Variants in ZNF683 observed in about 807,000 individuals in gnomAD.
ZNF683 encodes the protein tissue-resident T-cell transcription regulator protein ZNF683.
Under a neutral mutation model 31.4 loss-of-function variants are expected in ZNF683, and 20 were observed. The observed-to-expected ratio is 0.64, with a 90% CI of 0.45 to 0.93. ZNF683 has a LOEUF of 0.93. ZNF683 is among the 40% of genes least tolerant of loss of function. The pLI, the probability that ZNF683 is intolerant of heterozygous loss-of-function variation, is 0.00. For missense variants in ZNF683, 621 were observed against 637.2 expected (o/e 0.97, Z 0.27); for synonymous variants, 264 against 267.6 (o/e 0.99, Z 0.13).
At position 26,365,055 on chromosome 1, in the gene ZNF683, C is replaced by G; in HGVS notation, c.491G>C (p.Arg164Thr). 2 of 1,604,180 alleles carry G rather than the reference C, an allele frequency of 1.2e-6. No homozygotes were observed. Among genetic ancestry groups the G allele is most frequent in the Non-Finnish European group, 8.5e-7 (1 of 1,175,814 alleles). ...NSSSPPPLQN[R>T]KSPSPLAFCP... The stretch of plus-strand genomic sequence containing the variant: ...GAAAGCCAAGGGGCTGGGGCTCTTT[C>G]TGTTCTGCAGCGGTGGTGGGGAAGA... The change falls in exon 4 of 6, where the codon AGA (arginine) becomes ACA (threonine). Residue 164 changes from arginine (R) to threonine (T), a missense_variant. Arg to Thr is a moderately conservative substitution (Grantham distance 71). Coordinates refer to ENST00000349618, the MANE Select transcript of ZNF683 (RefSeq NM_001114759.3).
chr1:26,361,663 G>A lies in ZNF683; in HGVS notation c.1503C>T (p.Asp501=), dbSNP rs1199868078. 1 of 1,611,246 alleles carries A rather than the reference G, an allele frequency of 6.2e-7. No homozygotes were observed. The highest frequency in any genetic ancestry group is 8.5e-7 in the Non-Finnish European group (1 of 1,178,542). The change falls in exon 6 of 6, where the codon GAC becomes GAT. Residue 501 remains aspartate, a synonymous_variant. Transcript: ENST00000349618. ...AGAAGAAACATTTTTAATTGTTCTG[G>A]TCCTGCCCCATCACCAGGGGAGTCC... ...SAGTPLVMGQ[D]QNN
chr1:26,362,172 G>A, intron 5 of ZNF683, 150 bp from the exon 6 acceptor site: 2 of 1,593,134 alleles, frequency 1.3e-6, no homozygotes, highest in Non-Finnish European at 1.7e-6. Context: ...GGAACCCACG[G>A]TATCTAGCAC....
chr1:26,367,548 C>T (rs1475190213), intron 3 of ZNF683, 45 bp downstream of exon 3: 1 of 1,488,636 alleles, frequency 6.7e-7, no homozygotes, highest in Non-Finnish European at 9.0e-7. Context: ...CCCCCACCCT[C>T]CAGCCTCTGC....
chr1:26,365,199 C>G lies in ZNF683; in HGVS notation c.347G>C (p.Ser116Thr), dbSNP rs758139138. The G allele has an allele frequency of 3.7e-6, 6 of 1,606,136 alleles. No individual in the cohort carries two copies. The highest frequency in any genetic ancestry group is 1.7e-5 in the Admixed American group (1 of 58,808). The change falls in exon 4 of 6, where the codon AGC (serine) becomes ACC (threonine). Residue 116 changes from serine (S) to threonine (T), a missense_variant. Ser to Thr is a moderately conservative substitution (Grantham distance 58, BLOSUM62 1). Transcript: ENST00000349618. ...TGTGAATTTCTTGTCATCGGTGGAG[C>G]TGGCCTGCAGCCCTGGTGGCTCGTG... Reference protein sequence around the residue: ...MKHEPPGLQASSTDDKKFTVK... With the variant: ...MKHEPPGLQATSTDDKKFTVK...
chr1:26,368,398 A>C, intron 2 of ZNF683, 60 bp downstream of exon 2: 2 of 1,474,176 alleles, frequency 1.4e-6, no homozygotes, highest in Non-Finnish European at 9.0e-7. Flanking sequence ...TTTTCCTCCT[A>C]ATGTCACCTC....
intron 1 of ZNF683, chr1:26,370,708 G>A: frequency 5.1e-6 from 5 of 985,652 alleles, no homozygotes; most frequent in Non-Finnish European, 6.0e-6. Flanking sequence ...TGGGAAGGAA[G>A]GAGGTGGGCA....
rs772478459 is a variant in ZNF683, at chr1:26,363,066, T to A, written c.1103A>T (p.His368Leu). Residue 368 changes from histidine to leucine, a missense_variant, in exon 5 of 6, where the codon CAC becomes CTC. By Grantham distance (99) the His-to-Leu change is moderately conservative. Coordinates refer to ENST00000349618, the MANE Select transcript of ZNF683 (RefSeq NM_001114759.3). The part of the protein sequence containing the change: ...SFTQLAHLQK[H>L]HLVHTGERPH... ...CCGCTCCCCAGTGTGCACCAGGTGG[T>A]GCTTCTGCAGGTGGGCAAGTTGAGT... 7 of 1,612,336 alleles carry A rather than the reference T, an allele frequency of 4.3e-6. No homozygotes were observed. The South Asian group carries it at 6.6e-5, about 15-fold the overall frequency.
At chr1:26,362,075 T>C in intron 5 of ZNF683, 53 bp from the exon 6 acceptor site, 1 of 1,614,024 alleles carries the variant, frequency 6.2e-7, no homozygotes, top group South Asian at 1.1e-5. Flanking sequence ...GGCTCAGGCA[T>C]TCTACTCCCT....
chr1:26,363,009 G>A lies in ZNF683; in HGVS notation c.1143+17C>T. 6.2e-7 allele frequency: 1 copy of A among 1,602,626 alleles called. No individual in the cohort carries two copies. Among genetic ancestry groups the A allele is most frequent in the Non-Finnish European group, 8.5e-7 (1 of 1,173,676 alleles). On this transcript the variant is annotated intron_variant, in intron 5 of 5. Transcript: ENST00000349618. Reference sequence around the variant, plus strand: ...TCCAGCCTATAGGAGTACATAGTAGGGGGAGAAGGATCTCACCGAGCACTT... The same window carrying A: ...TCCAGCCTATAGGAGTACATAGTAGAGGGAGAAGGATCTCACCGAGCACTT...
In ZNF683 at chr1:26,361,884, G is replaced by A; in HGVS notation, c.1282C>T (p.His428Tyr). Residue 428 changes from histidine to tyrosine, a missense_variant, in exon 6 of 6, where the codon CAT becomes TAT. Transcript: ENST00000349618. ...ACCAGGCCACAGGGCTGTGGGGCATGCAGCCGATGGTGCAGCTTCAGGTGG... is the reference window on the plus strand; with the variant it reads ...ACCAGGCCACAGGGCTGTGGGGCATACAGCCGATGGTGCAGCTTCAGGTGG... ...HIHLKLHHRL[H>Y]APQPCGLVHT... is the part of the protein sequence containing the mutation. 1 of 1,614,014 alleles carries A rather than the reference G, an allele frequency of 6.2e-7. No homozygotes were observed. Among genetic ancestry groups the A allele is most frequent in the Non-Finnish European group, 8.5e-7 (1 of 1,179,904 alleles).
Position 26,365,244 on chromosome 1 carries a change from G to T in ZNF683, c.320-18C>A. Reference sequence around the variant, plus strand: ...CTCGTGCTCTAAGCAGGAAAAGGAAGGCGGTCAGATCCCCACAGTCTGGGG... The same window carrying T: ...CTCGTGCTCTAAGCAGGAAAAGGAATGCGGTCAGATCCCCACAGTCTGGGG... On this transcript the variant is annotated intron_variant, in intron 3 of 5. Coordinates refer to ENST00000349618, the MANE Select transcript of ZNF683 (RefSeq NM_001114759.3). 1 of 1,567,876 alleles carries T rather than the reference G, an allele frequency of 6.4e-7. No homozygotes were observed. Among genetic ancestry groups the T allele is most frequent in the Non-Finnish European group, 8.6e-7 (1 of 1,158,332 alleles).
At position 26,370,178 on chromosome 1, in the gene ZNF683, T is replaced by C. The variant is rs370727297; in HGVS notation, c.-14-1593A>G. Among the ~76,000 whole-genome samples, 4 of 151,782 alleles carry C rather than the reference T, an allele frequency of 2.6e-5. No homozygotes were observed. In the East Asian group the frequency reaches 5.8e-4, roughly 22 times the overall value. On this transcript the variant is annotated intron_variant, in intron 1 of 5. Transcript: ENST00000349618. ...CCACCCCCTTCTGTGCTGAGAGGGG[T>C]CCCTGACTCTACCAACCAGAGGCCC...
intron 4 of ZNF683, 110 bp downstream of exon 4, chr1:26,364,422 G>T: frequency 2.4e-6 from 3 of 1,226,672 alleles, no homozygotes; most frequent in Non-Finnish European, 3.5e-6. Flanking sequence ...CCTAGAGGTT[G>T]CCCAGGAGTG....
chr1:26,366,319 T>C (rs112626474), intron 3 of ZNF683, among the ~76,000 whole-genome samples: 4,723 of 144,432 alleles, frequency 0.033, 221 homozygotes, highest in African/African-American at 0.11. Context: ...GCCATGATTG[T>C]GTCCCTGCAC....
chr1:26,372,177 C>T (rs1243622685), intron 1 of ZNF683, among the ~76,000 whole-genome samples: 3 of 152,224 alleles, frequency 2.0e-5, no homozygotes, highest in Non-Finnish European at 2.9e-5. Flanking sequence ...ACAGGGACAT[C>T]TCAGGCTGTG....
At position 26,364,654 on chromosome 1, in the gene ZNF683, C is replaced by T; in HGVS notation, c.892G>A (p.Val298Ile). Reference protein sequence around the residue: ...RGGMASPAKRVPLSSQTGTAA... With the variant: ...RGGMASPAKRIPLSSQTGTAA... The stretch of plus-strand genomic sequence containing the variant: ...GTGCCTGTCTGGGAACTCAATGGGA[C>T]CCGCTTTGCTGGAGATGCCATGCCA... The change falls in exon 4 of 6, where the codon GTC (valine) becomes ATC (isoleucine). Residue 298 changes from valine to isoleucine, a missense_variant. Physicochemically the swap from Val to Ile is conservative, Grantham distance 29. Transcript: ENST00000349618. The T allele has an allele frequency of 6.2e-7, 1 of 1,613,990 alleles. No homozygotes were observed. Among genetic ancestry groups the T allele is most frequent in the African/African-American group, 1.3e-5 (1 of 75,038 alleles).
chr1:26,372,909 T>C (rs2074701184), upstream of ZNF683: 8 of 1,030,716 alleles, frequency 7.8e-6, no homozygotes, highest in South Asian at 1.5e-4. Flanking sequence ...TGTGGGAACC[T>C]GAGGGAGTCT....
Position 26,361,837 on chromosome 1 carries a change from G to A in ZNF683, c.1329C>T (p.Ala443=), listed in dbSNP as rs757696979. ...CGLVHTQLPL[A]SLACLAQWHQ... The stretch of plus-strand genomic sequence containing the variant: ...GCCATTGGGCAAGGCAGGCCAGAGA[G>A]GCCAGGGGCAGCTGGGTGTGCACCA... The change falls in exon 6 of 6, where the codon GCC becomes GCT. Residue 443 remains alanine, a synonymous_variant. Coordinates refer to ENST00000349618, the MANE Select transcript of ZNF683 (RefSeq NM_001114759.3). 1 of 1,614,058 alleles carries A rather than the reference G, an allele frequency of 6.2e-7. No homozygotes were observed. The highest frequency in any genetic ancestry group is 1.1e-5 in the South Asian group (1 of 91,086).
chr1:26,374,245 G>GT, upstream of ZNF683: 1 of 1,303,410 alleles, frequency 7.7e-7, no homozygotes, highest in Non-Finnish European at 1.0e-6. Flanking sequence ...ACCGAGTGAA[G>GT]TTTCCTCCCC....
Sources: gnomAD v4.1 joint callset for allele counts (sites outside exome capture counted in the v4.1 genomes callset) on GRCh38, gnomAD v4.1.1 for gene constraint, MANE v1.5 for transcripts, NCBI Gene and HGNC (gene_info 2026-07-23, HGNC 2026-07-21) for gene names.